DOK6: variants seen among roughly 807,000 people sequenced by gnomAD.
DOK6 encodes docking protein 6, also known as downstream of tyrosine kinase 6.
A neutral mutation model predicts 44.0 loss-of-function variants in DOK6; 22 were observed. That is an observed-to-expected ratio of 0.50 (90% CI 0.36 to 0.71). DOK6 has a LOEUF of 0.71. Among genes scored for constraint, DOK6 ranks in the 30% least tolerant of loss-of-function variants. DOK6 has a pLI of 0.00. For missense variants in DOK6, 340 were observed against 416.4 expected (o/e 0.82, Z 1.60); for synonymous variants, 166 against 145.5 (o/e 1.14, Z -1.01).
intron 2 of DOK6, among the ~76,000 whole-genome samples, chr18:69,586,733 GCTT>G (rs1387301044): frequency 6.6e-6 from 1 of 152,084 alleles, no homozygotes; most frequent in Non-Finnish European, 1.5e-5. Flanking sequence ...CCAAAGAGAG[GCTT>G]TGTGCTTAGC....
At position 69,715,734 on chromosome 18, in the gene DOK6, C is replaced by A. The variant is rs60228612; in HGVS notation, c.599+17141C>A. On this transcript the variant is annotated intron_variant, in intron 5 of 7. Transcript: ENST00000382713. ...TCTGGAAAGAGATTGTATTAGAAACCAGTCAGATCAGGATCTGAATTGGTC... is the reference window on the plus strand; with the variant it reads ...TCTGGAAAGAGATTGTATTAGAAACAAGTCAGATCAGGATCTGAATTGGTC... 8.6e-3 allele frequency among the ~76,000 whole-genome samples: 1,317 copies of A among 152,292 alleles called. 17 individuals carry two copies. Among genetic ancestry groups the A allele is most frequent in the African/African-American group, 0.03 (1,238 of 41,548 alleles).
rs1980821242 is a variant in DOK6 at position 69,494,370 on chromosome 18, G to A, written c.67-70117G>A. ...ACACACCTGTAATCCCAGCTATTTG[G>A]CAGGCTGAGGCACAAGAATTGCTTG... On this transcript the variant is annotated intron_variant, in intron 1 of 7. Coordinates refer to ENST00000382713, the MANE Select transcript of DOK6 (RefSeq NM_152721.6). Among the ~76,000 whole-genome samples the A allele has an allele frequency of 7.9e-5, 12 of 152,114 alleles. No homozygotes were observed. The South Asian group carries it at 2.5e-3, about 32-fold the overall frequency.
intron 6 of DOK6, among the ~76,000 whole-genome samples, chr18:69,748,023 T>G (rs1207888254): frequency 6.6e-6 from 1 of 151,668 alleles, no homozygotes; most frequent in East Asian, 1.9e-4. Flanking sequence ...AAGACACACA[T>G]AGACTCAAAA....
chr18:69,696,691 T>C (rs1422478012), intron 4 of DOK6, among the ~76,000 whole-genome samples: 1 of 152,218 alleles, frequency 6.6e-6, no homozygotes, highest in African/African-American at 2.4e-5. Context: ...TATATTCCTG[T>C]GTAAAACCTT....
At chr18:69,473,008 T>A (rs1320428414) in intron 1 of DOK6, among the ~76,000 whole-genome samples, 1 of 152,246 alleles carries the variant, frequency 6.6e-6, no homozygotes, top group Non-Finnish European at 1.5e-5. Context: ...GCAGTGCTAA[T>A]ATGTAAGTTA....
At chr18:69,642,934 T>G (rs1180102582) in intron 3 of DOK6, among the ~76,000 whole-genome samples, 2 of 152,232 alleles carry the variant, frequency 1.3e-5, no homozygotes, top group Non-Finnish European at 2.9e-5. Context: ...ATAGATCAAA[T>G]AGCACACTGA....
intron 1 of DOK6, among the ~76,000 whole-genome samples, chr18:69,401,632 G>C (rs1916102248): frequency 6.6e-6 from 1 of 152,026 alleles, no homozygotes; most frequent in African/African-American, 2.4e-5. Flanking sequence ...TTTCTTTGCG[G>C]TGCTATCCAC....
At chr18:69,668,502 C>T (rs1985715288) in intron 3 of DOK6, among the ~76,000 whole-genome samples, 1 of 152,146 alleles carries the variant, frequency 6.6e-6, no homozygotes, top group Non-Finnish European at 1.5e-5. Context: ...AATGATTGAG[C>T]ACATTCAACT....
At chr18:69,563,426 A>C (rs1982889195) in intron 1 of DOK6, among the ~76,000 whole-genome samples, 1 of 152,198 alleles carries the variant, frequency 6.6e-6, no homozygotes, top group African/African-American at 2.4e-5. Context: ...GATAGACTGC[A>C]TGAAGAAAAT....
chr18:69,428,542 A>G (rs978778533), intron 1 of DOK6, among the ~76,000 whole-genome samples: 1 of 152,082 alleles, frequency 6.6e-6, no homozygotes, highest in Non-Finnish European at 1.5e-5. Context: ...ATAAGGATTA[A>G]TTCTTAATCC....
chr18:69,628,492 A>T (rs912191785), intron 3 of DOK6, among the ~76,000 whole-genome samples: 7 of 149,138 alleles, frequency 4.7e-5, no homozygotes, highest in African/African-American at 1.5e-4. Context: ...TCTGTCTCAA[A>T]ATATATATAT....
chr18:69,828,690 A>T (rs1293383205), intron 7 of DOK6, among the ~76,000 whole-genome samples: 1 of 151,176 alleles, frequency 6.6e-6, no homozygotes, highest in African/African-American at 2.4e-5. Flanking sequence ...ATTGCTGTTA[A>T]CCTACCAGTC....
intron 3 of DOK6, among the ~76,000 whole-genome samples, chr18:69,640,543 G>A (rs1367833263): frequency 6.6e-6 from 1 of 152,140 alleles, no homozygotes; most frequent in Non-Finnish European, 1.5e-5. Flanking sequence ...TACCCTGCTT[G>A]TAGCAGAAGC....
chr18:69,741,383 C>G (rs1978793207), intron 6 of DOK6, among the ~76,000 whole-genome samples: 2 of 152,336 alleles, frequency 1.3e-5, no homozygotes, highest in East Asian at 3.9e-4. Context: ...CAAGTGCAAG[C>G]TGCCTCAAGT....
chr18:69,756,213 GTTA>G (rs1408089122), intron 6 of DOK6, among the ~76,000 whole-genome samples: 1 of 152,138 alleles, frequency 6.6e-6, no homozygotes, highest in Non-Finnish European at 1.5e-5. Flanking sequence ...GTCTCCTGCC[GTTA>G]TTATTGTTAC....
At chr18:69,647,180 T>C (rs1331205746) in intron 3 of DOK6, among the ~76,000 whole-genome samples, 1 of 152,138 alleles carries the variant, frequency 6.6e-6, no homozygotes, top group East Asian at 1.9e-4. Flanking sequence ...CCTATCCATC[T>C]ATCCATCCAT....
chr18:69,709,376 A>C (rs1349503575), intron 5 of DOK6, among the ~76,000 whole-genome samples: 1 of 152,194 alleles, frequency 6.6e-6, no homozygotes, highest in East Asian at 1.9e-4. Flanking sequence ...TCCTTGACAC[A>C]AATGTTAATT....
chr18:69,824,195 C>CG (rs1981667745), intron 7 of DOK6, among the ~76,000 whole-genome samples: 1 of 26,554 alleles, frequency 3.8e-5, no homozygotes, highest in East Asian at 3.5e-3. Flanking sequence ...TCCCTCCCCC[C>CG]TCCCCCCACC....
chr18:69,683,809 A>C (rs948654656), intron 4 of DOK6, among the ~76,000 whole-genome samples: 1 of 152,212 alleles, frequency 6.6e-6, no homozygotes, highest in Non-Finnish European at 1.5e-5. Flanking sequence ...CCTGTATGAT[A>C]GTCACAATAT....
Sources: gnomAD v4.1 joint callset for allele counts (sites outside exome capture counted in the v4.1 genomes callset) on GRCh38, gnomAD v4.1.1 for gene constraint, MANE v1.5 for transcripts, NCBI Gene and HGNC (gene_info 2026-07-23, HGNC 2026-07-21) for gene names.